Variants in MCU observed in about 807,000 individuals in gnomAD.
MCU encodes calcium uniporter protein, mitochondrial.
In MCU, 12 loss-of-function variants were observed where a neutral mutation model predicts 45.2. That is an observed-to-expected ratio of 0.27 (90% CI 0.17 to 0.43). MCU has a LOEUF of 0.43. Among genes scored for constraint, MCU ranks in the 20% least tolerant of loss-of-function variants. The pLI, the probability that MCU is intolerant of heterozygous loss-of-function variation, is 1.00. For missense variants in MCU, 324 were observed against 436.7 expected (o/e 0.74, Z 2.30); for synonymous variants, 160 against 165.1 (o/e 0.97, Z 0.24).
At chr10:72,810,048 G>A (rs941427576) in intron 1 of MCU, among the ~76,000 whole-genome samples, 1 of 151,928 alleles carries the variant, frequency 6.6e-6, no homozygotes, top group Non-Finnish European at 1.5e-5. Context: ...GTGAACATAT[G>A]TGTATGGGGG....
At chr10:72,693,173 A>AGTGTGTGT (rs112298026) in intron 1 of MCU, 6 of 798,786 alleles carry the variant, frequency 7.5e-6, no homozygotes, top group Non-Finnish European at 1.2e-5. Context: ...CTCTTGGGTG[A>AGTGTGTGT]GTGTGTGTGT....
intron 1 of MCU, among the ~76,000 whole-genome samples, chr10:72,769,545 G>A (rs554137620): frequency 2.0e-5 from 3 of 152,174 alleles, no homozygotes; most frequent in Non-Finnish European, 4.4e-5. Context: ...AGTCTCCTGA[G>A]TAGCTGGGAT....
In MCU at chr10:72,800,756, G is replaced by A. The variant is rs145055558; in HGVS notation, c.151-33603G>A. Among the ~76,000 whole-genome samples the A allele has an allele frequency of 1.6e-3, 251 of 152,158 alleles. 2 individuals carry two copies. Among genetic ancestry groups the A allele is most frequent in the African/African-American group, 5.5e-3 (230 of 41,512 alleles). On this transcript the variant is annotated intron_variant, in intron 1 of 7. Coordinates refer to ENST00000373053, the MANE Select transcript of MCU (RefSeq NM_138357.3). ...TTGGATGATCTTTTTTAACCTTGCCGTCATGCATTTTTAATTGATATAATT... is the reference window on the plus strand; with the variant it reads ...TTGGATGATCTTTTTTAACCTTGCCATCATGCATTTTTAATTGATATAATT...
intron 1 of MCU, among the ~76,000 whole-genome samples, chr10:72,774,297 T>A (rs1843857231): frequency 6.6e-6 from 1 of 152,186 alleles, no homozygotes; most frequent in Non-Finnish European, 1.5e-5. Context: ...TTTTTTTGTT[T>A]TACCTTTGTT....
chr10:72,829,562 C>CT (rs1335288628), intron 1 of MCU, among the ~76,000 whole-genome samples: 2 of 149,914 alleles, frequency 1.3e-5, no homozygotes, highest in Non-Finnish European at 3.0e-5. Context: ...ATTTTTCAAA[C>CT]TTTCAGCCTC....
At chr10:72,702,340 A>T (rs770199949) in intron 1 of MCU, among the ~76,000 whole-genome samples, 29 of 152,210 alleles carry the variant, frequency 1.9e-4, no homozygotes, top group Non-Finnish European at 3.4e-4. Flanking sequence ...TCTATACCAG[A>T]TACTTTTATA....
chr10:72,692,953 C>G, intron 1 of MCU: 4 of 1,533,166 alleles, frequency 2.6e-6, no homozygotes, highest in Non-Finnish European at 3.5e-6. Flanking sequence ...AAGCTTCATC[C>G]TCTTGGGTCC....
At chr10:72,702,113 G>A (rs1249584947) in intron 1 of MCU, among the ~76,000 whole-genome samples, 1 of 151,466 alleles carries the variant, frequency 6.6e-6, no homozygotes, top group Non-Finnish European at 1.5e-5. Flanking sequence ...CATGGTTGGG[G>A]GGGAGGGGGG....
chr10:72,701,365 A>G (rs561242727), intron 1 of MCU, among the ~76,000 whole-genome samples: 2 of 152,334 alleles, frequency 1.3e-5, no homozygotes, highest in African/African-American at 4.8e-5. Flanking sequence ...GGCAGGACGC[A>G]TGTTTTGGAT....
chr10:72,881,995 T>C (rs1172278628), intron 6 of MCU, among the ~76,000 whole-genome samples: 5 of 152,238 alleles, frequency 3.3e-5, no homozygotes, highest in Admixed American at 2.6e-4. Flanking sequence ...GCTGAAGCCA[T>C]GGCAGAAGAA....
chr10:72,851,231 A>T (rs1246121470), intron 2 of MCU, among the ~76,000 whole-genome samples: 2 of 152,348 alleles, frequency 1.3e-5, no homozygotes, highest in South Asian at 4.1e-4. Flanking sequence ...TAAATTGGGT[A>T]TGAAAGACCT....
chr10:72,720,662 A>AAG (rs1238913660), intron 1 of MCU, among the ~76,000 whole-genome samples: 1 of 152,152 alleles, frequency 6.6e-6, no homozygotes, highest in Non-Finnish European at 1.5e-5. Context: ...CATTGTGTTG[A>AAG]ATCTATCTTT....
At chr10:72,861,655 A>ATT in intron 4 of MCU, 1 of 372,410 alleles carries the variant, frequency 2.7e-6, no homozygotes, top group Admixed American at 3.4e-5. Context: ...CCGCCAGGCT[A>ATT]ATTTTTTTTT....
chr10:72,808,939 C>CAT (rs1165628425), intron 1 of MCU, among the ~76,000 whole-genome samples: 1 of 152,174 alleles, frequency 6.6e-6, no homozygotes, highest in African/African-American at 2.4e-5. Context: ...TAGAATTTGA[C>CAT]ATGAGATTTG....
At chr10:72,800,210 C>T (rs1303197905) in intron 1 of MCU, among the ~76,000 whole-genome samples, 1 of 152,202 alleles carries the variant, frequency 6.6e-6, no homozygotes, top group Non-Finnish European at 1.5e-5. Context: ...TGCCAAACAA[C>T]CACAAATTGT....
At chr10:72,850,629 A>C (rs1453351963) in intron 2 of MCU, among the ~76,000 whole-genome samples, 1 of 152,072 alleles carries the variant, frequency 6.6e-6, no homozygotes, top group Non-Finnish European at 1.5e-5. Context: ...TAAAATATGT[A>C]TTCCTTCTTC....
chr10:72,853,301 A>G lies in MCU; in HGVS notation c.221-5876A>G, dbSNP rs544736013. Among the ~76,000 whole-genome samples, 4 of 152,330 alleles carry G rather than the reference A, an allele frequency of 2.6e-5. No individual in the cohort carries two copies. In the South Asian group the frequency reaches 6.2e-4, roughly 24 times the overall value. On this transcript the variant is annotated intron_variant, in intron 2 of 7. Transcript: ENST00000373053. Reference sequence around the variant, plus strand: ...AAATATAAGTATAATGTGAAAAGAAATGGAAGATATAAAAAGAAATGCAAC... The same window carrying G: ...AAATATAAGTATAATGTGAAAAGAAGTGGAAGATATAAAAAGAAATGCAAC...
At chr10:72,785,377 T>C (rs1252768584) in intron 1 of MCU, among the ~76,000 whole-genome samples, 9 of 152,200 alleles carry the variant, frequency 5.9e-5, no homozygotes, top group Non-Finnish European at 1.0e-4. Flanking sequence ...ATGCAGAAAC[T>C]AGTCAGACAT....
chr10:72,738,398 A>G (rs1376463366), intron 1 of MCU, among the ~76,000 whole-genome samples: 2 of 152,210 alleles, frequency 1.3e-5, no homozygotes, highest in East Asian at 1.9e-4. Flanking sequence ...AATGTTAGAA[A>G]AGACTCTTTT....
Sources: allele counts gnomAD v4.1 joint callset (sites outside exome capture counted in the v4.1 genomes callset), GRCh38; gene constraint gnomAD v4.1.1; transcripts MANE v1.5; gene names NCBI Gene and HGNC (gene_info 2026-07-23, HGNC 2026-07-21).